Variants in ABCA3 observed in about 807,000 individuals in gnomAD.
The protein encoded by ABCA3 is phospholipid-transporting ATPase ABCA3.
A neutral mutation model predicts 172.8 loss-of-function variants in ABCA3; 88 were observed. The ratio of observed to expected loss-of-function variants is 0.51; its 90% CI spans 0.43 to 0.61. The LOEUF (loss-of-function observed/expected upper bound fraction) is 0.61. Among genes scored for constraint, ABCA3 ranks in the 20% least tolerant of loss-of-function variants. ABCA3 has a pLI of 0.00. For synonymous variants in ABCA3, 1,066 were observed against 983.8 expected (o/e 1.08, Z -1.56); for missense variants, 2,164 against 2,301.0 (o/e 0.94, Z 1.22).
At chr16:2,317,553 G>T (rs1489353296) in intron 9 of ABCA3, 95 bp downstream of exon 9, 3 of 1,580,878 alleles carry the variant, frequency 1.9e-6, no homozygotes, top group Non-Finnish European at 2.6e-6. Context: ...GACTCTCTCT[G>T]AAGTCTCTGA....
chr16:2,337,081 T>TTTC (rs2093753042), intron 1 of ABCA3, among the ~76,000 whole-genome samples: 1 of 150,570 alleles, frequency 6.6e-6, no homozygotes, highest in African/African-American at 2.4e-5. Context: ...CCTGGCTATT[T>TTTC]TTTTTTTTTT....
chr16:2,331,224 T>C (rs1355802884), intron 1 of ABCA3, among the ~76,000 whole-genome samples: 2 of 151,992 alleles, frequency 1.3e-5, no homozygotes, highest in Non-Finnish European at 2.9e-5. Flanking sequence ...TTTCTTTTCT[T>C]TTTTTCTGAG....
chr16:2,290,613 G>A (rs932327845), intron 19 of ABCA3, among the ~76,000 whole-genome samples: 3 of 152,182 alleles, frequency 2.0e-5, no homozygotes, highest in Non-Finnish European at 4.4e-5. Flanking sequence ...TTATGTTCAT[G>A]CTTCCTTCCT....
At chr16:2,325,867 T>C in intron 5 of ABCA3, 143 bp downstream of exon 5, 3 of 1,124,064 alleles carry the variant, frequency 2.7e-6, no homozygotes, top group Middle Eastern at 2.8e-4. Context: ...GTTGAAGTAG[T>C]GATGCGGGAA....
intron 5 of ABCA3, among the ~76,000 whole-genome samples, chr16:2,325,676 A>G (rs780347601): frequency 2.0e-5 from 3 of 152,198 alleles, no homozygotes; most frequent in Non-Finnish European, 4.4e-5. Flanking sequence ...AAATGAGGGA[A>G]CAGAAAGGAG....
Position 2,329,684 on chromosome 16 carries a change from C to T in ABCA3, c.-368G>A, listed in dbSNP as rs189133667. 1.7e-3 allele frequency: 256 copies of T among 152,692 alleles called. 1 individual carries two copies. The highest frequency in any genetic ancestry group is 3.1e-3 in the Non-Finnish European group (210 of 68,346). 9.5% of individuals were successfully genotyped at this position (152,692 alleles called of 1,614,324 possible). ...AAGAGGCTCCACACAGCAGGTCTCC[C>T]TTCAGGACTACTGGGGAACTGGCCA... On this transcript the variant is annotated 5_prime_UTR_variant, in exon 2 of 33. Coordinates refer to ENST00000301732, the MANE Select transcript of ABCA3 (RefSeq NM_001089.3).
intron 3 of ABCA3, among the ~76,000 whole-genome samples, chr16:2,327,782 G>A (rs1471300137): frequency 2.6e-5 from 4 of 152,126 alleles, no homozygotes; most frequent in Admixed American, 6.6e-5. Context: ...GTACAGTGGC[G>A]TGATCTTGGC....
chr16:2,289,508 C>T lies in ABCA3; in HGVS notation c.2626G>A (p.Gly876Arg), dbSNP rs766930075. ...ATGCCGTCGGAGGGGTCCATGGCCC[C>T]ACAGAGGTTGCTGTCCACAGCCCAG... ...SDWAVDSNLCGAMDPSDGIGA... is the reference protein window; with the variant it reads ...SDWAVDSNLCRAMDPSDGIGA... The change falls in exon 20 of 33, where the codon GGG (glycine) becomes AGG (arginine). Residue 876 changes from glycine (G) to arginine (R), a missense_variant. Gly to Arg is a moderately radical substitution (Grantham distance 125). Around this residue, in one of 3 missense-constraint regions of ABCA3, gnomAD observed 1,343 missense variants for 1,369.6 expected, o/e 0.98. Transcript: ENST00000301732. The T allele has an allele frequency of 6.3e-7, 1 of 1,590,410 alleles. No homozygotes were observed. The highest frequency in any genetic ancestry group is 1.3e-5 in the African/African-American group (1 of 74,898).
At position 2,285,690 on chromosome 16, in the gene ABCA3, G is replaced by A. The variant is rs1349249240; in HGVS notation, c.3279-44C>T. On this transcript the variant is annotated intron_variant, in intron 22 of 32. Coordinates refer to ENST00000301732, the MANE Select transcript of ABCA3 (RefSeq NM_001089.3). The surrounding 1 kb of genome is among the most constrained non-coding windows in gnomAD (Gnocchi z 4.7). ...GTCAGGGACGGAGCACAGCACGTCT[G>A]GGTGGCAGGAGAGGTCGGGTTCTCG... is the stretch of plus-strand genomic sequence containing the variant. 2.6e-6 allele frequency: 4 copies of A among 1,545,114 alleles called. No homozygotes were observed. Among genetic ancestry groups the A allele is most frequent in the Non-Finnish European group, 3.5e-6 (4 of 1,142,404 alleles).
intron 11 of ABCA3, among the ~76,000 whole-genome samples, chr16:2,306,734 A>G (rs951710180): frequency 6.6e-6 from 1 of 152,150 alleles, no homozygotes; most frequent in African/African-American, 2.4e-5. Context: ...AAAAATTAAG[A>G]AAAAAAGTGG....
Position 2,299,446 on chromosome 16 carries a change from G to T in ABCA3, c.1698C>A (p.Gly566=). 6.2e-7 allele frequency: 1 copy of T among 1,613,886 alleles called. No individual in the cohort carries two copies. The highest frequency in any genetic ancestry group is 8.5e-7 in the Non-Finnish European group (1 of 1,179,992). ...TGGTGGTCTTCCCGGCACCGTTGTG[G>T]CCCAGCAGGACGGTGATCTGTCCCT... ...LYEGQITVLL[G]HNGAGKTTTL... Residue 566 remains glycine, a synonymous_variant, in exon 14 of 33, where the codon GGC becomes GGA. Transcript: ENST00000301732.
intron 10 of ABCA3, among the ~76,000 whole-genome samples, chr16:2,310,553 A>G (rs1365972984): frequency 6.8e-6 from 1 of 147,746 alleles, no homozygotes; most frequent in African/African-American, 2.5e-5. Flanking sequence ...GTCTCATACT[A>G]TCGCCCAGGA....
At chr16:2,340,144 C>A (rs2093758280) in intron 1 of ABCA3, among the ~76,000 whole-genome samples, 1 of 152,248 alleles carries the variant, frequency 6.6e-6, no homozygotes, top group Admixed American at 6.5e-5. Flanking sequence ...CGGAAAGCGG[C>A]GCCATCTCCG....
At chr16:2,303,843 G>A in intron 12 of ABCA3, 126 bp downstream of exon 12, 1 of 1,090,366 alleles carries the variant, frequency 9.2e-7, no homozygotes, top group Non-Finnish European at 1.4e-6. Flanking sequence ...GCACAGGGCA[G>A]GGTTCTGTGT....
At chr16:2,317,831 T>G in intron 8 of ABCA3, 67 bp from the exon 9 acceptor site, 1 of 1,474,138 alleles carries the variant, frequency 6.8e-7, no homozygotes, top group Non-Finnish European at 9.5e-7. Flanking sequence ...TGTGCCAGGC[T>G]GGACGGCAGC....
At chr16:2,317,859 T>A in intron 8 of ABCA3, 95 bp from the exon 9 acceptor site, 1 of 1,124,606 alleles carries the variant, frequency 8.9e-7, no homozygotes. Context: ...AGTCCGACTG[T>A]CCCAGCAGCC....
At position 2,286,721 on chromosome 16, in the gene ABCA3, A is replaced by G; in HGVS notation, c.3251T>C (p.Leu1084Pro). The part of the protein sequence containing the change: ...VSNFPQPRSA[L>P]QAAKDQFNEG... ...GTTAAACTGGTCCTTGGCAGCCTGC[A>G]GGGCGCTCCGGGGCTGGGGGAAGTT... is the stretch of plus-strand genomic sequence containing the variant. Residue 1084 changes from leucine to proline, a missense_variant, in exon 22 of 33, where the codon CTG becomes CCG. This residue lies in a region of ABCA3 where 795 missense variants were observed against 881.9 expected (regional missense o/e 0.90). Transcript: ENST00000301732. This position sits in a 1 kb window ranked among gnomAD's most constrained non-coding sequence, Gnocchi z 5.2. 2 of 1,613,724 alleles carry G rather than the reference A, an allele frequency of 1.2e-6. No individual in the cohort carries two copies. Among genetic ancestry groups the G allele is most frequent in the Non-Finnish European group, 1.7e-6 (2 of 1,179,902 alleles).
At chr16:2,310,518 T>C (rs571873732) in intron 10 of ABCA3, among the ~76,000 whole-genome samples, 18 of 151,476 alleles carry the variant, frequency 1.2e-4, no homozygotes, top group Non-Finnish European at 2.1e-4. Flanking sequence ...TTTTTTTCTT[T>C]CTTTTTTTTT....
rs1355317096 is a variant in ABCA3 at position 2,326,449 on chromosome 16, C to T, written c.18G>A (p.Gln6=). 3.1e-6 allele frequency: 5 copies of T among 1,612,188 alleles called. No homozygotes were observed. In the African/African-American group the frequency reaches 6.7e-5, roughly 22 times the overall value. The part of the protein sequence containing the change: MAVLR[Q]LALLLWKNYT... ...AGTTCTTCCAGAGGAGGAGCGCCAG[C>T]TGCCTGAGCACAGCCATCGTCTTGC... The change falls in exon 4 of 33, where the codon CAG becomes CAA. Residue 6 remains glutamine (Q), a synonymous_variant. Coordinates refer to ENST00000301732, the MANE Select transcript of ABCA3 (RefSeq NM_001089.3).
Sources: gnomAD v4.1 joint callset for allele counts (sites outside exome capture counted in the v4.1 genomes callset) on GRCh38, gnomAD v4.1.1 for gene constraint, gnomAD v4.1.1 regional missense constraint, Gnocchi (gnomAD v3.1) non-coding constraint, MANE v1.5 for transcripts, NCBI Gene and HGNC (gene_info 2026-07-23, HGNC 2026-07-21) for gene names.